Variants in ACOXL observed in about 807,000 individuals in gnomAD.
ACOXL encodes acyl-coenzyme A oxidase-like protein.
In ACOXL, 70 loss-of-function variants were observed where a neutral mutation model predicts 71.9. The observed-to-expected ratio is 0.97, with a 90% CI of 0.80 to 1.19. ACOXL has a LOEUF of 1.19. Among genes scored for constraint, ACOXL ranks in the 50% most tolerant of loss-of-function variants. The probability of loss-of-function intolerance (pLI) is 0.00; values close to 1 mark genes in which losing one functional copy is unlikely to be tolerated. For missense variants in ACOXL, 703 were observed against 736.3 expected (o/e 0.95, Z 0.52); for synonymous variants, 253 against 281.6 (o/e 0.90, Z 1.02).
At chr2:111,044,958 C>G (rs1423674996) in intron 15 of ACOXL, among the ~76,000 whole-genome samples, 2 of 152,170 alleles carry the variant, frequency 1.3e-5, no homozygotes, top group Admixed American at 6.5e-5. Context: ...CACTTGTTAT[C>G]TAAAAGTCTC....
intron 10 of ACOXL, among the ~76,000 whole-genome samples, chr2:110,845,536 G>C (rs536875666): frequency 1.3e-5 from 2 of 152,084 alleles, no homozygotes; most frequent in African/African-American, 4.8e-5. Context: ...TCTCCAGAGC[G>C]TTTTCAACAT....
intron 15 of ACOXL, among the ~76,000 whole-genome samples, chr2:111,043,590 G>A (rs114939184): frequency 0.018 from 2,726 of 152,158 alleles, 85 homozygotes; most frequent in African/African-American, 0.063. Flanking sequence ...ATCGATAAGG[G>A]GCCCCTGGCC....
intron 9 of ACOXL, among the ~76,000 whole-genome samples, chr2:110,836,918 G>A (rs1044184595): frequency 7.2e-5 from 11 of 152,206 alleles, no homozygotes; most frequent in South Asian, 2.1e-4. Context: ...CGGCCTCCTC[G>A]CCAAATCCTG....
intron 10 of ACOXL, among the ~76,000 whole-genome samples, chr2:110,907,182 C>T (rs1187282716): frequency 3.9e-5 from 6 of 152,280 alleles, no homozygotes; most frequent in African/African-American, 4.8e-5. Context: ...GGCTGACAGC[C>T]GCCACCTTGC....
chr2:110,850,258 A>G (rs1443503906), intron 10 of ACOXL, among the ~76,000 whole-genome samples: 1 of 152,230 alleles, frequency 6.6e-6, no homozygotes, highest in East Asian at 1.9e-4. Flanking sequence ...GTTGGCAAAA[A>G]TGGATTTTAT....
At chr2:110,737,501 G>T (rs1174626686) in intron 1 of ACOXL, among the ~76,000 whole-genome samples, 1 of 152,180 alleles carries the variant, frequency 6.6e-6, no homozygotes, top group Non-Finnish European at 1.5e-5. Flanking sequence ...GCCCCACAGT[G>T]TACCATATTT....
intron 10 of ACOXL, among the ~76,000 whole-genome samples, chr2:110,857,364 C>G (rs1404929846): frequency 3.3e-5 from 5 of 152,148 alleles, no homozygotes; most frequent in Admixed American, 3.3e-4. Context: ...CCAGATAAAC[C>G]CATCCGTCCA....
chr2:111,009,524 A>AAAAAG (rs1196530675), intron 14 of ACOXL, among the ~76,000 whole-genome samples: 4 of 151,792 alleles, frequency 2.6e-5, no homozygotes, highest in Non-Finnish European at 5.9e-5. Flanking sequence ...AAAAAAAAAA[A>AAAAAG]AAAAGAAAAG....
intron 2 of ACOXL, among the ~76,000 whole-genome samples, chr2:110,783,584 C>T (rs956142613): frequency 2.0e-5 from 3 of 152,156 alleles, no homozygotes; most frequent in Admixed American, 6.5e-5. Flanking sequence ...AGTTATCATC[C>T]TGCTGCTGGT....
chr2:111,024,420 G>C (rs572330979), intron 14 of ACOXL, among the ~76,000 whole-genome samples: 3 of 152,152 alleles, frequency 2.0e-5, no homozygotes, highest in Non-Finnish European at 2.9e-5. Flanking sequence ...GCAGCAATGG[G>C]AGTGAAGCAG....
intron 12 of ACOXL, chr2:110,968,189 A>G (rs1238327985): frequency 2.7e-6 from 3 of 1,127,694 alleles, no homozygotes; most frequent in Middle Eastern, 2.8e-4. Flanking sequence ...GACAACATCT[A>G]TGAAGGCCAA....
chr2:110,917,813 AAG>A (rs2059920899), intron 11 of ACOXL, among the ~76,000 whole-genome samples: 1 of 152,216 alleles, frequency 6.6e-6, no homozygotes, highest in South Asian at 2.1e-4. Flanking sequence ...AATTGCTACA[AAG>A]AGAATAAAAT....
chr2:111,066,032 TC>T (rs2067055424), intron 16 of ACOXL, among the ~76,000 whole-genome samples: 1 of 152,130 alleles, frequency 6.6e-6, no homozygotes, highest in Admixed American at 6.6e-5. Context: ...TGGGTATTTA[TC>T]CCCCCAAAAA....
intron 1 of ACOXL, among the ~76,000 whole-genome samples, chr2:110,759,583 C>T (rs1680127838): frequency 6.6e-6 from 1 of 152,034 alleles, no homozygotes; most frequent in Non-Finnish European, 1.5e-5. Flanking sequence ...ATGGATAGGT[C>T]TCTTGAAGAC....
chr2:110,811,730 TACACACACACACACACACAC>T (rs780039810), intron 9 of ACOXL, among the ~76,000 whole-genome samples: 13 of 101,662 alleles, frequency 1.3e-4, no homozygotes, highest in South Asian at 3.9e-4. Flanking sequence ...TTTTTTTGCA[TACACACACACACACACACAC>T]ACACACACAC....
chr2:110,961,556 G>C (rs531058872), intron 12 of ACOXL, among the ~76,000 whole-genome samples: 15 of 152,180 alleles, frequency 9.9e-5, no homozygotes, highest in African/African-American at 3.4e-4. Flanking sequence ...AGAGCAAAAT[G>C]CTCAGAAAAA....
chr2:110,742,818 T>G (rs892132819), intron 1 of ACOXL, among the ~76,000 whole-genome samples: 1 of 152,188 alleles, frequency 6.6e-6, no homozygotes, highest in African/African-American at 2.4e-5. Context: ...AAAAGCTTCT[T>G]GACATTGGTT....
At chr2:111,036,962 A>G (rs1287788272) in intron 15 of ACOXL, 1 of 152,146 alleles carries the variant, frequency 6.6e-6, no homozygotes, top group Non-Finnish European at 1.5e-5. Flanking sequence ...GACTGGATGG[A>G]AGCATCGTAG....
At chr2:110,741,191 C>T (rs1247607222) in intron 1 of ACOXL, among the ~76,000 whole-genome samples, 4 of 152,072 alleles carry the variant, frequency 2.6e-5, no homozygotes, top group East Asian at 1.9e-4. Flanking sequence ...TATGGTGTTG[C>T]GTCAGCTTAA....
Sources: gnomAD v4.1 joint callset for allele counts (sites outside exome capture counted in the v4.1 genomes callset) on GRCh38, gnomAD v4.1.1 for gene constraint, MANE v1.5 for transcripts, NCBI Gene and HGNC (gene_info 2026-07-23, HGNC 2026-07-21) for gene names.